The following HACD2 variants were observed in gnomAD, a reference collection of about 807,000 sequenced individuals.
HACD2 encodes 3-hydroxyacyl-CoA dehydratase 2.
Under a neutral mutation model 31.0 loss-of-function variants are expected in HACD2, and 15 were observed. That is an observed-to-expected ratio of 0.48 (90% CI 0.32 to 0.75). The LOEUF (loss-of-function observed/expected upper bound fraction) is 0.75. HACD2 is among the 30% of genes least tolerant of loss of function. The pLI is 0.03. For synonymous variants in HACD2, 115 were observed against 122.2 expected, an observed-to-expected ratio of 0.94 and a Z score of 0.39; for missense variants, 283 against 313.0, an observed-to-expected ratio of 0.90 and a Z score of 0.72.
Position 123,578,237 on chromosome 3 carries a change from G to C in HACD2, c.273+3975C>G, listed in dbSNP as rs1056784726. ...AATTTTATGAATGTTTATATCCATAGACCACATTTTATCCATGAGTAGCAT... is the reference window on the plus strand; with the variant it reads ...AATTTTATGAATGTTTATATCCATACACCACATTTTATCCATGAGTAGCAT... On this transcript the variant is annotated intron_variant, in intron 2 of 6. Coordinates refer to ENST00000383657, the MANE Select transcript of HACD2 (RefSeq NM_198402.5). Among the ~76,000 whole-genome samples the C allele has an allele frequency of 3.3e-5, 5 of 152,012 alleles. No individual in the cohort carries two copies. The East Asian group carries it at 9.6e-4, about 29-fold the overall frequency.
At chr3:123,548,796 T>C (rs775870049) in intron 3 of HACD2, among the ~76,000 whole-genome samples, 11 of 151,892 alleles carry the variant, frequency 7.2e-5, no homozygotes, top group Non-Finnish European at 1.3e-4. Flanking sequence ...CTAAATTCTT[T>C]GATTTTTTTG....
chr3:123,567,831 T>TA, intron 2 of HACD2, 51 bp from the exon 3 acceptor site: 3 of 1,238,872 alleles, frequency 2.4e-6, no homozygotes, highest in Non-Finnish European at 3.4e-6. Context: ...ATCAAGATAT[T>TA]AAAGTTTTAT....
At chr3:123,526,228 C>T (rs959081262) in intron 4 of HACD2, among the ~76,000 whole-genome samples, 7 of 152,186 alleles carry the variant, frequency 4.6e-5, no homozygotes, top group Admixed American at 2.0e-4. Context: ...TCTGAGGGGC[C>T]ACAGCAACAG....
At chr3:123,576,962 G>A (rs1455092749) in intron 2 of HACD2, among the ~76,000 whole-genome samples, 2 of 152,174 alleles carry the variant, frequency 1.3e-5, no homozygotes, top group Non-Finnish European at 2.9e-5. Context: ...CACAGATGAG[G>A]CTGAGAAAGT....
In HACD2 at chr3:123,492,131, T is replaced by C. The variant is rs12665; in HGVS notation, c.*2757A>G. On this transcript the variant is annotated 3_prime_UTR_variant, in exon 7 of 7. Transcript: ENST00000383657. ...TGGTGCCTCTGGATAATGGTTGGTA[T>C]GTGTTAAATGAATAAGCCCAACCTC... 143,699 of 152,248 alleles carry C rather than the reference T, an allele frequency of 0.94. 68,365 individuals are homozygous for C. Among genetic ancestry groups the C allele is most frequent in the East Asian group, 1 (5,184 of 5,184 alleles). 9.4% of individuals were successfully genotyped at this position (152,248 alleles called of 1,614,324 possible). A position where few individuals can be genotyped will look rare whatever the true frequency, so the allele number is the denominator to read the frequency against.
chr3:123,562,644 C>T (rs998078376), intron 3 of HACD2, among the ~76,000 whole-genome samples: 3 of 152,074 alleles, frequency 2.0e-5, no homozygotes, highest in African/African-American at 4.8e-5. Context: ...ATTTAATTTT[C>T]ACAGCAATCT....
At chr3:123,568,289 G>T (rs2056813840) in intron 2 of HACD2, among the ~76,000 whole-genome samples, 1 of 152,166 alleles carries the variant, frequency 6.6e-6, no homozygotes, top group Non-Finnish European at 1.5e-5. Flanking sequence ...GGTGCTCTCT[G>T]GTCCAATCCA....
intron 4 of HACD2, among the ~76,000 whole-genome samples, chr3:123,515,781 A>G (rs2056127492): frequency 6.6e-6 from 1 of 151,516 alleles, no homozygotes. Context: ...TTTGAGACGG[A>G]GTCTTGCTCT....
intron 1 of HACD2, among the ~76,000 whole-genome samples, chr3:123,582,668 A>G (rs2056978199): frequency 6.6e-6 from 1 of 152,208 alleles, no homozygotes. Context: ...AGAAAATCTA[A>G]GACGAGAAAA....
intron 4 of HACD2, among the ~76,000 whole-genome samples, chr3:123,511,891 A>T (rs1576737690): frequency 6.6e-6 from 1 of 151,994 alleles, no homozygotes; most frequent in African/African-American, 2.4e-5. Flanking sequence ...AGGGTGAGTA[A>T]GTCCTTACTG....
At chr3:123,508,056 A>AAGGGGCATTT (rs1362494862) in intron 4 of HACD2, among the ~76,000 whole-genome samples, 2 of 152,184 alleles carry the variant, frequency 1.3e-5, no homozygotes, top group African/African-American at 4.8e-5. Context: ...TTTAAGATAA[A>AAGGGGCATTT]AGGGGCATTT....
chr3:123,564,405 C>A (rs2056769512), intron 3 of HACD2, among the ~76,000 whole-genome samples: 1 of 152,098 alleles, frequency 6.6e-6, no homozygotes, highest in Admixed American at 6.5e-5. Context: ...AAGAAAAGCA[C>A]CCAAAGAAAG....
intron 3 of HACD2, among the ~76,000 whole-genome samples, chr3:123,549,672 T>C (rs146474291): frequency 2.6e-3 from 400 of 152,192 alleles, no homozygotes; most frequent in African/African-American, 9.0e-3. Context: ...TGCTTGAGCC[T>C]GGGAAGTTGA....
intron 3 of HACD2, among the ~76,000 whole-genome samples, chr3:123,550,603 G>C (rs1294517169): frequency 6.6e-6 from 1 of 152,200 alleles, no homozygotes; most frequent in African/African-American, 2.4e-5. Flanking sequence ...CCAGGTTCCT[G>C]ATTAGGAACG....
intron 4 of HACD2, among the ~76,000 whole-genome samples, chr3:123,519,477 A>G (rs1032233574): frequency 2.0e-5 from 3 of 152,206 alleles, no homozygotes; most frequent in Admixed American, 6.5e-5. Flanking sequence ...ATGGAAATAC[A>G]CTGTATGGAT....
intron 3 of HACD2, among the ~76,000 whole-genome samples, chr3:123,541,384 C>T (rs1459544805): frequency 2.0e-5 from 3 of 152,162 alleles, no homozygotes; most frequent in Non-Finnish European, 2.9e-5. Flanking sequence ...AACCAGCGAT[C>T]GCAGGATTTC....
intron 2 of HACD2, among the ~76,000 whole-genome samples, chr3:123,573,106 TA>T (rs1377356985): frequency 6.6e-6 from 1 of 152,240 alleles, no homozygotes; most frequent in Non-Finnish European, 1.5e-5. Context: ...CAGAGGTCCA[TA>T]ACCAATTTGA....
Position 123,494,853 on chromosome 3 carries a change from A to C in HACD2, c.*35T>G. 1 of 1,365,710 alleles carries C rather than the reference A, an allele frequency of 7.3e-7. No individual in the cohort carries two copies. Among genetic ancestry groups the C allele is most frequent in the Non-Finnish European group, 1.0e-6 (1 of 982,342 alleles). 84.6% of individuals were successfully genotyped at this position (1,365,710 alleles called of 1,614,324 possible). A position where few individuals can be genotyped will look rare whatever the true frequency, so the allele number is the denominator to read the frequency against. On this transcript the variant is annotated 3_prime_UTR_variant, in exon 7 of 7. Transcript: ENST00000383657. ...TCTGCAGCATTTTTTGATCATTGAAAAGTTTGTTTTGGTGGGAGGTGCAGA... is the reference window on the plus strand; with the variant it reads ...TCTGCAGCATTTTTTGATCATTGAACAGTTTGTTTTGGTGGGAGGTGCAGA...
intron 3 of HACD2, among the ~76,000 whole-genome samples, chr3:123,535,129 CAAT>C (rs1238228339): frequency 2.0e-5 from 3 of 152,160 alleles, no homozygotes; most frequent in Middle Eastern, 3.2e-3. Flanking sequence ...TCTCACCACT[CAAT>C]GATTCATCCA....
Sources: allele counts gnomAD v4.1 joint callset (sites outside exome capture counted in the v4.1 genomes callset), GRCh38; gene constraint gnomAD v4.1.1; transcripts MANE v1.5; gene names NCBI Gene and HGNC (gene_info 2026-07-23, HGNC 2026-07-21).